Variants in LGSN observed in about 807,000 individuals in gnomAD.
LGSN encodes lengsin.
In LGSN, 21 loss-of-function variants were observed where a neutral mutation model predicts 19.5. The observed-to-expected ratio is 1.07, with a 90% CI of 0.76 to 1.55. The LOEUF (loss-of-function observed/expected upper bound fraction) is 1.55, where lower values mean the gene tolerates loss of function less well. Among genes scored for constraint, LGSN ranks in the 40% most tolerant of loss-of-function variants. LGSN has a pLI of 0.00. For synonymous variants in LGSN, 257 were observed against 215.6 expected (o/e 1.19, Z -1.68); for missense variants, 673 against 608.5 (o/e 1.11, Z -1.12).
chr6:63,294,618 A>G (rs1767904475), intron 2 of LGSN, among the ~76,000 whole-genome samples: 1 of 151,790 alleles, frequency 6.6e-6, no homozygotes, highest in East Asian at 1.9e-4. Flanking sequence ...TCATTTTCAG[A>G]GCAGAAAACT....
chr6:63,552,513 T>C, the LGSN span, among the ~76,000 whole-genome samples: 1 of 152,250 alleles, frequency 6.6e-6, no homozygotes, highest in Non-Finnish European at 1.5e-5. Context: ...TAGTTTCTTT[T>C]ACTGTGCAGA....
chr6:63,542,382 C>A, the LGSN span, among the ~76,000 whole-genome samples: 2 of 151,838 alleles, frequency 1.3e-5, no homozygotes, highest in African/African-American at 2.4e-5. Context: ...AAGGAAATTA[C>A]TCATGTAACC....
the LGSN span, among the ~76,000 whole-genome samples, chr6:63,468,312 G>A: frequency 6.6e-6 from 1 of 152,124 alleles, no homozygotes; most frequent in Non-Finnish European, 1.5e-5. Flanking sequence ...ATTTTTAGTA[G>A]AGACAGGGTT....
the LGSN span, among the ~76,000 whole-genome samples, chr6:63,415,963 T>C: frequency 2.6e-5 from 4 of 152,136 alleles, no homozygotes; most frequent in Non-Finnish European, 5.9e-5. Context: ...ATTGATCTAA[T>C]AGATTAAATA....
the LGSN span, among the ~76,000 whole-genome samples, chr6:63,570,318 A>G: frequency 6.6e-6 from 1 of 152,210 alleles, no homozygotes; most frequent in Non-Finnish European, 1.5e-5. Context: ...GCAAAAGAGC[A>G]AGACTCCATC....
the LGSN span, among the ~76,000 whole-genome samples, chr6:63,393,370 G>A: frequency 2.0e-5 from 3 of 151,374 alleles, no homozygotes; most frequent in African/African-American, 7.3e-5. Flanking sequence ...GTAGAGACAG[G>A]GTTTCACCAT....
chr6:63,538,422 T>C, the LGSN span, among the ~76,000 whole-genome samples: 1 of 152,226 alleles, frequency 6.6e-6, no homozygotes, highest in South Asian at 2.1e-4. Flanking sequence ...AAAAGATCAA[T>C]GTTGGATATT....
the LGSN span, among the ~76,000 whole-genome samples, chr6:63,357,845 C>T: frequency 3.9e-5 from 6 of 152,156 alleles, no homozygotes; most frequent in South Asian, 2.1e-4. Flanking sequence ...AATTAGATCC[C>T]ATTTGTTAAT....
the LGSN span, among the ~76,000 whole-genome samples, chr6:63,402,555 T>G: frequency 6.6e-6 from 1 of 152,314 alleles, no homozygotes; most frequent in South Asian, 2.1e-4. Flanking sequence ...GTGGACTATT[T>G]GAATTAGTGA....
chr6:63,445,561 T>C, the LGSN span, among the ~76,000 whole-genome samples: 1 of 152,050 alleles, frequency 6.6e-6, no homozygotes, highest in Non-Finnish European at 1.5e-5. Context: ...GAGGTTGCAG[T>C]GAGCAGAGAT....
At chr6:63,366,527 T>C in the LGSN span, among the ~76,000 whole-genome samples, 1 of 152,158 alleles carries the variant, frequency 6.6e-6, no homozygotes, top group Admixed American at 6.6e-5. Context: ...AGATAATTTA[T>C]AGTTTCAATG....
the LGSN span, among the ~76,000 whole-genome samples, chr6:63,454,705 C>G: frequency 2.6e-5 from 4 of 151,206 alleles, no homozygotes; most frequent in Admixed American, 6.6e-5. Flanking sequence ...CTCTTGACCT[C>G]GTGATCCATC....
chr6:63,362,313 A>ATTTC, the LGSN span, among the ~76,000 whole-genome samples: 1 of 152,194 alleles, frequency 6.6e-6, no homozygotes, highest in Non-Finnish European at 1.5e-5. Flanking sequence ...AAGACGGGTG[A>ATTTC]TTTCTGCATT....
At chr6:63,312,973 C>A (rs1768689574) in intron 1 of LGSN, among the ~76,000 whole-genome samples, 1 of 152,090 alleles carries the variant, frequency 6.6e-6, no homozygotes, top group South Asian at 2.1e-4. Context: ...ATTGTGTCAT[C>A]TGGAGGTGTC....
rs892186017 is a variant in LGSN at position 63,276,447 on chromosome 6, C to A, written c.*3574G>T. On this transcript the variant is annotated 3_prime_UTR_variant, in exon 4 of 4. Coordinates refer to ENST00000370657, the MANE Select transcript of LGSN (RefSeq NM_016571.3). ...ATATTATCGCTTTTAATTTACATTT[C>A]TTATGTATACTCATTTAATTACCAA... 4 of 152,214 alleles carry A rather than the reference C, an allele frequency of 2.6e-5. No homozygotes were observed. Among genetic ancestry groups the A allele is most frequent in the African/African-American group, 9.6e-5 (4 of 41,548 alleles). 9.4% of individuals were successfully genotyped at this position (152,214 alleles called of 1,614,324 possible).
chr6:63,340,203 T>G, the LGSN span, among the ~76,000 whole-genome samples: 1 of 152,164 alleles, frequency 6.6e-6, no homozygotes, highest in Non-Finnish European at 1.5e-5. Context: ...TTAGAATTCT[T>G]CTTTGAGTTT....
At chr6:63,358,805 C>T in the LGSN span, among the ~76,000 whole-genome samples, 1 of 152,114 alleles carries the variant, frequency 6.6e-6, no homozygotes, top group Non-Finnish European at 1.5e-5. Context: ...TCCTCTTTTC[C>T]TTATTGAATA....
At chr6:63,547,226 G>A in the LGSN span, among the ~76,000 whole-genome samples, 2 of 138,332 alleles carry the variant, frequency 1.4e-5, no homozygotes, top group African/African-American at 5.4e-5. Context: ...GTCTTGTTGT[G>A]TCACTGAGAC....
chr6:63,418,771 A>T, the LGSN span, among the ~76,000 whole-genome samples: 2 of 152,136 alleles, frequency 1.3e-5, no homozygotes, highest in African/African-American at 4.8e-5. Context: ...GCCCCCACAA[A>T]AGCCAGCTAC....
Sources: allele counts gnomAD v4.1 joint callset (sites outside exome capture counted in the v4.1 genomes callset), GRCh38; gene constraint gnomAD v4.1.1; transcripts MANE v1.5; gene names NCBI Gene and HGNC (gene_info 2026-07-23, HGNC 2026-07-21).